Variants in DOCK9 observed in about 807,000 individuals in gnomAD.
DOCK9 encodes dedicator of cytokinesis 9, also known as dedicator of cytokinesis protein 9.
A neutral mutation model predicts 263.3 loss-of-function variants in DOCK9; 89 were observed. The observed-to-expected ratio is 0.34, with a 90% CI of 0.28 to 0.40. DOCK9 has a LOEUF of 0.40. Among genes scored for constraint, DOCK9 ranks in the 10% least tolerant of loss-of-function variants. DOCK9 has a pLI of 1.00. For synonymous variants in DOCK9, 976 were observed against 973.1 expected (o/e 1.00, Z -0.06); for missense variants, 2,140 against 2,603.4 (o/e 0.82, Z 3.87).
intron 25 of DOCK9, 134 bp downstream of exon 25, chr13:98,881,424 G>C: frequency 3.0e-6 from 2 of 671,142 alleles, no homozygotes; most frequent in East Asian, 2.8e-5. Flanking sequence ...ACAAGCATTG[G>C]CTATGAGAAA....
At chr13:98,823,235 C>G (rs2092373947) in intron 45 of DOCK9, among the ~76,000 whole-genome samples, 2 of 152,138 alleles carry the variant, frequency 1.3e-5, no homozygotes, top group Admixed American at 6.5e-5. Context: ...TGCACACAGC[C>G]TGTTTGACAG....
chr13:98,914,102 TTAAAA>T (rs1355700655), intron 9 of DOCK9, among the ~76,000 whole-genome samples: 1 of 152,184 alleles, frequency 6.6e-6, no homozygotes, highest in African/African-American at 2.4e-5. Flanking sequence ...AAAAAAACAC[TTAAAA>T]TAATAATAAA....
intron 27 of DOCK9, among the ~76,000 whole-genome samples, chr13:98,877,595 C>T (rs1317653264): frequency 1.3e-5 from 2 of 152,132 alleles, no homozygotes; most frequent in Non-Finnish European, 2.9e-5. Context: ...ACCTAGCCAA[C>T]TCCTGTTTAC....
intron 37 of DOCK9, among the ~76,000 whole-genome samples, chr13:98,847,869 G>C (rs1481607012): frequency 6.6e-6 from 1 of 152,208 alleles, no homozygotes; most frequent in Non-Finnish European, 1.5e-5. Flanking sequence ...CAGACAATCT[G>C]AATGGCAGTG....
intron 47 of DOCK9, chr13:98,809,068 C>A: frequency 1.3e-6 from 2 of 1,522,470 alleles, no homozygotes; most frequent in East Asian, 2.5e-5. Context: ...AACTTGCAAA[C>A]CACACTGAAG....
Position 98,910,567 on chromosome 13 carries a change from T to C in DOCK9, c.960+3761A>G, listed in dbSNP as rs74333696. ...AATGAGACATCAGTTATTTTTGCACTGAAACAACTTCCTGTCGGTCATATC... is the reference window on the plus strand; with the variant it reads ...AATGAGACATCAGTTATTTTTGCACCGAAACAACTTCCTGTCGGTCATATC... On this transcript the variant is annotated intron_variant, in intron 9 of 52. Coordinates refer to ENST00000682017, the MANE Select transcript of DOCK9 (RefSeq NM_001366683.2). Among the ~76,000 whole-genome samples, 103 of 152,312 alleles carry C rather than the reference T, an allele frequency of 6.8e-4. 8 individuals are homozygous for C. The East Asian group carries it at 0.02, about 29-fold the overall frequency.
chr13:99,078,352 C>T (rs1449412605), intron 1 of DOCK9, among the ~76,000 whole-genome samples: 1 of 152,058 alleles, frequency 6.6e-6, no homozygotes, highest in African/African-American at 2.4e-5. Context: ...TTTGTGGTGA[C>T]TACAACAAAA....
chr13:99,077,963 G>T (rs1393618561), intron 1 of DOCK9, among the ~76,000 whole-genome samples: 1 of 152,000 alleles, frequency 6.6e-6, no homozygotes, highest in Non-Finnish European at 1.5e-5. Flanking sequence ...CGAATGTAGT[G>T]GTTCTTGAAT....
chr13:98,867,829 T>C (rs1258505628), intron 29 of DOCK9, 99 bp downstream of exon 29: 4 of 1,171,150 alleles, frequency 3.4e-6, no homozygotes, highest in African/African-American at 3.1e-5. Context: ...ATAAAAAAAT[T>C]AGTAAGGCAG....
intron 19 of DOCK9, 44 bp downstream of exon 19, chr13:98,886,488 T>C (rs1291243123): frequency 1.3e-6 from 2 of 1,576,994 alleles, no homozygotes; most frequent in Non-Finnish European, 1.7e-6. Flanking sequence ...AAAGTTTCCC[T>C]TAAAACTGGT....
chr13:99,085,843 G>A (rs1473462635), intron 1 of DOCK9, among the ~76,000 whole-genome samples: 1 of 146,692 alleles, frequency 6.8e-6, no homozygotes, highest in Non-Finnish European at 1.5e-5. Context: ...GGGAGGCCGG[G>A]GGAGGGATAC....
intron 27 of DOCK9, among the ~76,000 whole-genome samples, chr13:98,878,871 G>C: frequency 6.6e-6 from 1 of 152,174 alleles, no homozygotes; most frequent in East Asian, 1.9e-4. Flanking sequence ...GGAGAGCCCA[G>C]ATCCCTTGTG....
At chr13:98,937,882 C>T (rs1487367899) in intron 2 of DOCK9, among the ~76,000 whole-genome samples, 1 of 152,132 alleles carries the variant, frequency 6.6e-6, no homozygotes, top group African/African-American at 2.4e-5. Context: ...AAATGATCTC[C>T]TCCAAACACT....
At chr13:98,962,338 C>T (rs1171565556) in intron 1 of DOCK9, among the ~76,000 whole-genome samples, 1 of 152,096 alleles carries the variant, frequency 6.6e-6, no homozygotes, top group African/African-American at 2.4e-5. Context: ...AAATGTTCAC[C>T]TCCGTGCCTT....
intron 1 of DOCK9, among the ~76,000 whole-genome samples, chr13:99,007,911 T>C (rs35618907): frequency 0.09 from 13,710 of 152,156 alleles, 763 homozygotes; most frequent in African/African-American, 0.16. Context: ...TTCTGGAGGG[T>C]AGTCTGGCTA....
At chr13:98,798,697 G>A (rs1441068282) in intron 50 of DOCK9, among the ~76,000 whole-genome samples, 6 of 152,206 alleles carry the variant, frequency 3.9e-5, no homozygotes, top group African/African-American at 1.4e-4. Context: ...GCGCCAGTGA[G>A]CTGCTTGATG....
At chr13:99,004,804 C>CAT (rs1374202507) in intron 1 of DOCK9, among the ~76,000 whole-genome samples, 1 of 151,890 alleles carries the variant, frequency 6.6e-6, no homozygotes, top group African/African-American at 2.4e-5. Context: ...CACACACACA[C>CAT]ACACACACAC....
At chr13:98,855,005 G>A (rs2093670532) in intron 34 of DOCK9, among the ~76,000 whole-genome samples, 1 of 152,180 alleles carries the variant, frequency 6.6e-6, no homozygotes, top group South Asian at 2.1e-4. Context: ...TAGAAAATCT[G>A]TGCCCAAAGT....
chr13:98,986,440 C>A (rs1313943933), intron 1 of DOCK9, among the ~76,000 whole-genome samples: 5 of 152,220 alleles, frequency 3.3e-5, no homozygotes, highest in African/African-American at 1.2e-4. Context: ...AGGGTAAAGT[C>A]CACCAGAAAC....
Sources: gnomAD v4.1 joint callset for allele counts (sites outside exome capture counted in the v4.1 genomes callset) on GRCh38, gnomAD v4.1.1 for gene constraint, MANE v1.5 for transcripts, NCBI Gene and HGNC (gene_info 2026-07-23, HGNC 2026-07-21) for gene names.